Variants in WTAP observed in about 807,000 individuals in gnomAD.
The protein encoded by WTAP is pre-mRNA-splicing regulator WTAP.
A neutral mutation model predicts 50.0 loss-of-function variants in WTAP; 8 were observed. The ratio of observed to expected loss-of-function variants is 0.16; its 90% CI spans 0.09 to 0.29. The LOEUF (loss-of-function observed/expected upper bound fraction) is 0.29. WTAP is among the 10% of genes least tolerant of loss of function. The probability of loss-of-function intolerance (pLI) is 1.00; values close to 1 mark genes in which losing one functional copy is unlikely to be tolerated. For missense variants in WTAP, 295 were observed against 470.7 expected (o/e 0.63, Z 3.45); for synonymous variants, 194 against 169.0 (o/e 1.15, Z -1.15).
chr6:159,733,583 C>T (rs1196807034), intron 1 of WTAP, among the ~76,000 whole-genome samples: 3 of 151,068 alleles, frequency 2.0e-5, no homozygotes, highest in African/African-American at 7.3e-5. Context: ...CATCGCACCA[C>T]TGCACTGTGG....
chr6:159,755,765 CTTTTTTTTTTTTTTT>C lies in WTAP; in HGVS notation c.*165_*179del. 14 of 173,378 alleles carry C rather than the reference CTTTTTTTTTTTTTTT, an allele frequency of 8.1e-5. No individual in the cohort carries two copies. In the Admixed American group the frequency reaches 9.8e-4, roughly 12 times the overall value. The allele number at this position is 173,378 out of a possible 1,614,324, so 10.7% of individuals were successfully genotyped here. A position where few individuals can be genotyped will look rare whatever the true frequency, so the allele number is the denominator to read the frequency against. On this transcript the variant is annotated 3_prime_UTR_variant, in exon 8 of 8. Coordinates refer to ENST00000621533, the MANE Select transcript of WTAP (RefSeq NM_001270531.2). Reference sequence around the variant, plus strand: ...TTTTTCTTTGTTTTTTTTTTCTTTTCTTTTTTTTTTTTTTTTTTTTTTTTTGCTTCAATACTTCTG... The same window carrying C: ...TTTTTCTTTGTTTTTTTTTTCTTTTCTTTTTTTTTTGCTTCAATACTTCTG...
In WTAP at chr6:159,727,648, C is replaced by CA. The variant is rs927229874; in HGVS notation, c.-63dup. On this transcript the variant is annotated 5_prime_UTR_variant, in exon 1 of 8. Coordinates refer to ENST00000621533, the MANE Select transcript of WTAP (RefSeq NM_001270531.2). ...CGGGGGGCCCGGGCGGCAGGGCAAG[C>CA]AGCGCGGCCTCGGCCTATGCGACCG... is the stretch of plus-strand genomic sequence containing the variant. 1.4e-5 allele frequency: 14 copies of CA among 985,708 alleles called. No individual in the cohort carries two copies. In the African/African-American group the frequency reaches 2.5e-4, roughly 17 times the overall value. The allele number at this position is 985,708 out of a possible 1,614,324, so 61.1% of individuals were successfully genotyped here.
intron 3 of WTAP, among the ~76,000 whole-genome samples, chr6:159,741,379 C>G (rs773793566): frequency 2.6e-5 from 4 of 152,136 alleles, no homozygotes; most frequent in Non-Finnish European, 5.9e-5. Context: ...TTGATACTAC[C>G]TTGAGAAGAG....
rs566921107 is a variant in WTAP at position 159,748,672 on chromosome 6, T to A, written c.452+303T>A. On this transcript the variant is annotated intron_variant, in intron 6 of 7. Transcript: ENST00000621533. The surrounding 1 kb of genome is among the most constrained non-coding windows in gnomAD (Gnocchi z 5.6). ...CTAGAACATGTAGACACTTGAGAAA[T>A]GTTTCTGTTTGAAGAAAATAGAGGG... 1 of 1,247,266 alleles carries A rather than the reference T, an allele frequency of 8.0e-7. No individual in the cohort carries two copies. Among genetic ancestry groups the A allele is most frequent in the African/African-American group, 1.5e-5 (1 of 64,894 alleles). 77.3% of individuals were successfully genotyped at this position (1,247,266 alleles called of 1,614,324 possible).
rs1263296670 is a variant in WTAP at position 159,755,822 on chromosome 6, A to G, written c.*211A>G. 8 of 757,136 alleles carry G rather than the reference A, an allele frequency of 1.1e-5. No homozygotes were observed. Among genetic ancestry groups the G allele is most frequent in the Non-Finnish European group, 6.8e-6 (4 of 587,534 alleles). 46.9% of individuals were successfully genotyped at this position (757,136 alleles called of 1,614,324 possible). A position where few individuals can be genotyped will look rare whatever the true frequency, so the allele number is the denominator to read the frequency against. On this transcript the variant is annotated 3_prime_UTR_variant, in exon 8 of 8. Coordinates refer to ENST00000621533, the MANE Select transcript of WTAP (RefSeq NM_001270531.2). Reference sequence around the variant, plus strand: ...ATACTTCTGCCGCTTTGGAAATTGTAACAGTTAATTACTTTGAATGTTGCT... The same window carrying G: ...ATACTTCTGCCGCTTTGGAAATTGTGACAGTTAATTACTTTGAATGTTGCT...
At chr6:159,753,847 G>A (rs1453015800) in intron 7 of WTAP, among the ~76,000 whole-genome samples, 1 of 152,084 alleles carries the variant, frequency 6.6e-6, no homozygotes, top group Admixed American at 6.5e-5. Context: ...TTACATTTTT[G>A]TTTTTAGTTG....
intron 3 of WTAP, 70 bp downstream of exon 3, chr6:159,739,115 G>A: frequency 8.0e-7 from 1 of 1,251,202 alleles, no homozygotes; most frequent in Non-Finnish European, 1.1e-6. Context: ...CACTGTAATT[G>A]TCTTTGTGCC....
rs1469179029 is a variant in WTAP at position 159,734,219 on chromosome 6, G to A, written c.-8-2039G>A. Among the ~76,000 whole-genome samples the A allele has an allele frequency of 2.0e-5, 3 of 151,874 alleles. No individual in the cohort carries two copies. The East Asian group carries it at 5.8e-4, about 29-fold the overall frequency. ...ATGAGAGACAGGGTCTTACCACATT[G>A]CCCGGGCTCGGTTCAAACTCCTAGG... On this transcript the variant is annotated intron_variant, in intron 1 of 7. Transcript: ENST00000621533.
chr6:159,745,716 C>T (rs1017264099), intron 5 of WTAP, among the ~76,000 whole-genome samples: 4 of 152,136 alleles, frequency 2.6e-5, no homozygotes, highest in African/African-American at 9.7e-5. Context: ...TTTAGATTTA[C>T]ATTTTAGGTA....
At chr6:159,730,154 A>C (rs1778479833) in intron 1 of WTAP, among the ~76,000 whole-genome samples, 1 of 152,224 alleles carries the variant, frequency 6.6e-6, no homozygotes. Flanking sequence ...TAGCTGTTTT[A>C]ATCACCTAAT....
At chr6:159,733,541 G>T (rs1778718666) in intron 1 of WTAP, among the ~76,000 whole-genome samples, 1 of 151,936 alleles carries the variant, frequency 6.6e-6, no homozygotes, top group South Asian at 2.1e-4. Flanking sequence ...AGGATCACTT[G>T]AGCCTGGGAG....
At chr6:159,754,135 G>C (rs1248885881) in intron 7 of WTAP, among the ~76,000 whole-genome samples, 1 of 152,136 alleles carries the variant, frequency 6.6e-6, no homozygotes, top group Non-Finnish European at 1.5e-5. Flanking sequence ...TCTCTTCTTT[G>C]TAAGGTGCAT....
chr6:159,738,042 CAG>C (rs1265524122), intron 2 of WTAP, among the ~76,000 whole-genome samples: 7 of 152,168 alleles, frequency 4.6e-5, no homozygotes, highest in Non-Finnish European at 8.8e-5. Context: ...CTGTGAAAAT[CAG>C]GGAATTGACA....
chr6:159,727,144 C>G (rs899675464), upstream of WTAP: 19 of 1,195,376 alleles, frequency 1.6e-5, no homozygotes, highest in Non-Finnish European at 1.9e-5. Context: ...TTGCTGAGCT[C>G]CGGGGCCCGC....
intron 1 of WTAP, among the ~76,000 whole-genome samples, chr6:159,730,183 T>TA (rs1170381400): frequency 6.6e-6 from 1 of 152,216 alleles, no homozygotes; most frequent in Non-Finnish European, 1.5e-5. Flanking sequence ...ACCTAATGAC[T>TA]AACAGTCATT....
chr6:159,737,205 C>T (rs956983184), intron 2 of WTAP, among the ~76,000 whole-genome samples: 5 of 152,064 alleles, frequency 3.3e-5, no homozygotes, highest in African/African-American at 4.8e-5. Context: ...CGTGCCACCA[C>T]GCCCAGCTAA....
intron 1 of WTAP, among the ~76,000 whole-genome samples, chr6:159,734,164 G>GGT (rs966841245): frequency 6.6e-6 from 1 of 151,914 alleles, no homozygotes; most frequent in African/African-American, 2.4e-5. Flanking sequence ...AAGTAGTCTT[G>GGT]GTGTGTGTGT....
chr6:159,730,211 G>A (rs934211723), intron 1 of WTAP, among the ~76,000 whole-genome samples: 1 of 152,130 alleles, frequency 6.6e-6, no homozygotes, highest in Non-Finnish European at 1.5e-5. Context: ...TGGAAAATGG[G>A]AACTAACTTT....
intron 3 of WTAP, chr6:159,741,795 C>G: frequency 4.3e-6 from 1 of 234,386 alleles, no homozygotes; most frequent in Non-Finnish European, 8.4e-6. Context: ...CAAGACCAGC[C>G]TGGGCAACGT....
Sources: gnomAD v4.1 joint callset for allele counts (sites outside exome capture counted in the v4.1 genomes callset) on GRCh38, gnomAD v4.1.1 for gene constraint, Gnocchi (gnomAD v3.1) non-coding constraint, MANE v1.5 for transcripts, NCBI Gene and HGNC (gene_info 2026-07-23, HGNC 2026-07-21) for gene names.